NFE2L1: variants seen among roughly 807,000 people sequenced by gnomAD.
The protein encoded by NFE2L1 is endoplasmic reticulum membrane sensor NFE2L1.
In NFE2L1, 18 loss-of-function variants were observed where a neutral mutation model predicts 61.6. The observed-to-expected ratio is 0.29, with a 90% CI of 0.20 to 0.43. NFE2L1 has a LOEUF of 0.43. Ranked by LOEUF, NFE2L1 falls within the 20% of genes least tolerant of loss-of-function variation. The probability of loss-of-function intolerance (pLI) is 1.00; values close to 1 mark genes in which losing one functional copy is unlikely to be tolerated. For synonymous variants in NFE2L1, 419 were observed against 402.7 expected (o/e 1.04, Z -0.48); for missense variants, 827 against 973.5 (o/e 0.85, Z 2.00).
rs767215115 is a variant in NFE2L1 at position 48,051,454 on chromosome 17, T to C, written c.336T>C (p.Ser112=). The change falls in exon 2 of 6, where the codon TCT becomes TCC. Residue 112 remains serine, a synonymous_variant. Transcript: ENST00000362042. ...AWLVHRDPEG[S]VSGSQPNSGL... is the part of the protein sequence containing the mutation. ...TGGTTCACCGAGACCCAGAGGGGTC[T>C]GTCTCTGGCAGTCAGCCCAACTCAG... 3 of 1,614,146 alleles carry C rather than the reference T, an allele frequency of 1.9e-6. No individual in the cohort carries two copies. Among genetic ancestry groups the C allele is most frequent in the Non-Finnish European group, 2.5e-6 (3 of 1,180,024 alleles).
intron 2 of NFE2L1, among the ~76,000 whole-genome samples, chr17:48,052,938 T>C (rs1243333682): frequency 6.6e-6 from 1 of 152,196 alleles, no homozygotes; most frequent in Non-Finnish European, 1.5e-5. Flanking sequence ...AGACTAGGAT[T>C]ATCTGAGCGC....
At chr17:48,050,144 GT>G (rs891013159) in intron 1 of NFE2L1, among the ~76,000 whole-genome samples, 7 of 151,968 alleles carry the variant, frequency 4.6e-5, no homozygotes, top group African/African-American at 1.7e-4. Context: ...TATATTTTGG[GT>G]TTTTTTTCTG....
Position 48,059,428 on chromosome 17 carries a change from G to A in NFE2L1, c.2106G>A (p.Glu702=), listed in dbSNP as rs1375298538. 6.2e-7 allele frequency: 1 copy of A among 1,614,254 alleles called. No individual in the cohort carries two copies. The highest frequency in any genetic ancestry group is 2.2e-5 in the East Asian group (1 of 44,886). Residue 702 remains glutamate (E), a synonymous_variant, in exon 6 of 6, where the codon GAG becomes GAA. Coordinates refer to ENST00000362042, the MANE Select transcript of NFE2L1 (RefSeq NM_003204.3). The surrounding 1 kb of genome is among the most constrained non-coding windows in gnomAD (Gnocchi z 6.1). ...DKARLLREKV[E]FLRSLRQMKQ... is the part of the protein sequence containing the mutation. ...CCCGGCTGCTGCGGGAGAAAGTGGA[G>A]TTCCTGCGCTCCCTGCGACAGATGA...
Position 48,050,897 on chromosome 17 carries a change from A to C in NFE2L1, c.-222A>C, listed in dbSNP as rs2037232647. 2 of 610,678 alleles carry C rather than the reference A, an allele frequency of 3.3e-6. No homozygotes were observed. Among genetic ancestry groups the C allele is most frequent in the Non-Finnish European group, 5.8e-6 (2 of 345,982 alleles). 37.8% of individuals were successfully genotyped at this position (610,678 alleles called of 1,614,324 possible). A position where few individuals can be genotyped will look rare whatever the true frequency, so the allele number is the denominator to read the frequency against. ...TTCAGAGGTGAGGTGTCGAGAAGGG[A>C]AAGTGAATGTGGTCTGGAGTGTGTC... On this transcript the variant is annotated 5_prime_UTR_variant, in exon 2 of 6. Transcript: ENST00000362042.
chr17:48,059,706 C>T lies in NFE2L1; in HGVS notation c.*65C>T. 6.6e-7 allele frequency: 1 copy of T among 1,504,310 alleles called. No individual in the cohort carries two copies. Among genetic ancestry groups the T allele is most frequent in the Middle Eastern group, 2.3e-4 (1 of 4,426 alleles). The allele number at this position is 1,504,310 out of a possible 1,614,324, so 93.2% of individuals were successfully genotyped here. A position where few individuals can be genotyped will look rare whatever the true frequency, so the allele number is the denominator to read the frequency against. ...AACTGGAGAAGGGCTGGACCTGGAC[C>T]TGGACCTGGACCTACAGCGGGGACT... On this transcript the variant is annotated 3_prime_UTR_variant, in exon 6 of 6. Coordinates refer to ENST00000362042, the MANE Select transcript of NFE2L1 (RefSeq NM_003204.3). The surrounding 1 kb of genome is among the most constrained non-coding windows in gnomAD (Gnocchi z 6.1).
chr17:48,056,913 C>T, intron 3 of NFE2L1, 119 bp from the exon 4 acceptor site: 1 of 1,016,208 alleles, frequency 9.8e-7, no homozygotes, highest in South Asian at 1.5e-5. Context: ...GACTCGGGGC[C>T]AGCCATTAGC....
In NFE2L1 at chr17:48,058,785, C is replaced by T; in HGVS notation, c.1463C>T (p.Ser488Phe). Residue 488 changes from serine to phenylalanine, a missense_variant, in exon 6 of 6, where the codon TCT becomes TTT. Around this residue, in one of 3 missense-constraint regions of NFE2L1, gnomAD observed 667 missense variants for 748.4 expected, o/e 0.89. Transcript: ENST00000362042. ...GLSLDSSHSPSSLSSSEGSSS... is the reference protein window; with the variant it reads ...GLSLDSSHSPFSLSSSEGSSS... ...TCCTTAGACTCGAGCCATAGCCCTT[C>T]TTCCCTAAGCAGCTCTGAAGGCAGT... is the stretch of plus-strand genomic sequence containing the variant. The T allele has an allele frequency of 1.9e-6, 3 of 1,614,218 alleles. No individual in the cohort carries two copies. Among genetic ancestry groups the T allele is most frequent in the Non-Finnish European group, 2.5e-6 (3 of 1,180,028 alleles).
Position 48,057,613 on chromosome 17 carries a change from A to G in NFE2L1, c.972+111A>G, listed in dbSNP as rs2037436480. On this transcript the variant is annotated intron_variant, in intron 5 of 5. Coordinates refer to ENST00000362042, the MANE Select transcript of NFE2L1 (RefSeq NM_003204.3). ...GAAAGTGTAATACTTTCCCTGAATC[A>G]TAGAGAAGTGGGGACAATGAGAAGA... 3.7e-6 allele frequency: 5 copies of G among 1,362,888 alleles called. No individual in the cohort carries two copies. The Admixed American group carries it at 1.2e-4, about 31-fold the overall frequency. 84.4% of individuals were successfully genotyped at this position (1,362,888 alleles called of 1,614,324 possible).
chr17:48,057,559 A>G, intron 5 of NFE2L1, 57 bp downstream of exon 5: 1 of 1,555,346 alleles, frequency 6.4e-7, no homozygotes, highest in Non-Finnish European at 8.7e-7. Flanking sequence ...TTGTCTTAGC[A>G]CTCAGTTGCT....
In NFE2L1 at chr17:48,051,349, C is replaced by T. The variant is rs886385856; in HGVS notation, c.231C>T (p.Tyr77=). 1 of 1,614,178 alleles carries T rather than the reference C, an allele frequency of 6.2e-7. No individual in the cohort carries two copies. Among genetic ancestry groups the T allele is most frequent in the Non-Finnish European group, 8.5e-7 (1 of 1,180,034 alleles). The change falls in exon 2 of 6, where the codon TAC becomes TAT. Residue 77 remains tyrosine (Y), a synonymous_variant. Coordinates refer to ENST00000362042, the MANE Select transcript of NFE2L1 (RefSeq NM_003204.3). ...IHPKSIDLDN[Y]FTARRLLSQV... ...CCAAGAGCATAGACCTGGACAATTA[C>T]TTCACTGCCCGGCGGCTCCTCAGTC...
chr17:48,052,352 T>TGGC (rs2037274899), intron 2 of NFE2L1, among the ~76,000 whole-genome samples: 1 of 152,228 alleles, frequency 6.6e-6, no homozygotes, highest in Non-Finnish European at 1.5e-5. Context: ...AAGATGTGAA[T>TGGC]GGCTGCTGCT....
intron 2 of NFE2L1, chr17:48,054,775 G>C (rs887748925): frequency 1.5e-6 from 2 of 1,318,272 alleles, no homozygotes; most frequent in Admixed American, 3.8e-5. Context: ...AGCTCAGGGT[G>C]GGGGCAGCTG....
intron 3 of NFE2L1, 84 bp downstream of exon 3, chr17:48,056,682 C>G: frequency 6.6e-7 from 1 of 1,511,132 alleles, no homozygotes; most frequent in South Asian, 1.2e-5. Context: ...CAGAAACTTC[C>G]TTTAGAGAAG....
intron 2 of NFE2L1, among the ~76,000 whole-genome samples, chr17:48,053,057 A>G (rs2144360928): frequency 6.6e-6 from 1 of 152,202 alleles, no homozygotes; most frequent in Non-Finnish European, 1.5e-5. Flanking sequence ...AGTGGGCTCT[A>G]ATCTTGGCAC....
intron 3 of NFE2L1, 53 bp from the exon 4 acceptor site, chr17:48,056,979 C>T: frequency 6.3e-7 from 1 of 1,577,886 alleles, no homozygotes; most frequent in Non-Finnish European, 8.7e-7. Context: ...GAAGCTTCAG[C>T]CCCAGGCAGC....
rs368204969 is a variant in NFE2L1, at chr17:48,051,553, G to A, written c.435G>A (p.Thr145=). The change falls in exon 2 of 6, where the codon ACG becomes ACA. Residue 145 remains threonine, a synonymous_variant. Coordinates refer to ENST00000362042, the MANE Select transcript of NFE2L1 (RefSeq NM_003204.3). Reference sequence around the variant, plus strand: ...ACAACGGGGTGCGAGAAAGCGAAACGGAGCAGGGATTCGGTGAAGATTTGG... The same window carrying A: ...ACAACGGGGTGCGAGAAAGCGAAACAGAGCAGGGATTCGGTGAAGATTTGG... ...GPDNGVRESE[T]EQGFGEDLED... 5 of 1,614,224 alleles carry A rather than the reference G, an allele frequency of 3.1e-6. No individual in the cohort carries two copies. The highest frequency in any genetic ancestry group is 2.7e-5 in the African/African-American group (2 of 75,058).
At position 48,057,464 on chromosome 17, in the gene NFE2L1, C is replaced by G; in HGVS notation, c.934C>G (p.Gln312Glu). 6.2e-7 allele frequency: 1 copy of G among 1,614,078 alleles called. No individual in the cohort carries two copies. Among genetic ancestry groups the G allele is most frequent in the South Asian group, 1.1e-5 (1 of 91,052 alleles). Residue 312 changes from glutamine to glutamate, a missense_variant, in exon 5 of 6, where the codon CAG becomes GAG. Gln to Glu is a conservative substitution (Grantham distance 29). Coordinates refer to ENST00000362042, the MANE Select transcript of NFE2L1 (RefSeq NM_003204.3). ...TGTESPFDLE[Q>E]QWQDLMSIME... ...GACAGAGTCACCATTTGATTTGGAA[C>G]AGCAGTGGCAAGATCTCATGTCCAT...
rs1234313816 is a variant in NFE2L1, at chr17:48,059,985, T to A, written c.*344T>A. On this transcript the variant is annotated 3_prime_UTR_variant, in exon 6 of 6. Coordinates refer to ENST00000362042, the MANE Select transcript of NFE2L1 (RefSeq NM_003204.3). The surrounding 1 kb of genome is among the most constrained non-coding windows in gnomAD (Gnocchi z 6.1). ...ATGGACCTGTGAGAGGAAGGGAAGG[T>A]GGCAGAAAGTCTCATTTCAGGAAGG... The A allele has an allele frequency of 6.4e-6, 1 of 155,420 alleles. No homozygotes were observed. Among genetic ancestry groups the A allele is most frequent in the South Asian group, 2.4e-4 (1 of 4,242 alleles). 9.6% of individuals were successfully genotyped at this position (155,420 alleles called of 1,614,324 possible). A position where few individuals can be genotyped will look rare whatever the true frequency, so the allele number is the denominator to read the frequency against.
intron 2 of NFE2L1, chr17:48,055,265 A>G: frequency 8.4e-7 from 1 of 1,184,146 alleles, no homozygotes. Flanking sequence ...ATCTAAGGAA[A>G]TTGCTTTCTG....
Sources: gnomAD v4.1 joint callset for allele counts (sites outside exome capture counted in the v4.1 genomes callset) on GRCh38, gnomAD v4.1.1 for gene constraint, gnomAD v4.1.1 regional missense constraint, Gnocchi (gnomAD v3.1) non-coding constraint, MANE v1.5 for transcripts, NCBI Gene and HGNC (gene_info 2026-07-23, HGNC 2026-07-21) for gene names.